The following SH3RF3 variants were observed in gnomAD, a reference collection of about 807,000 sequenced individuals.
The protein encoded by SH3RF3 is SH3 domain containing ring finger 3.
SH3RF3 carries 29 observed loss-of-function variants against 66.3 expected under a neutral mutation model. That is an observed-to-expected ratio of 0.44 (90% confidence interval 0.33 to 0.60). SH3RF3 has a LOEUF of 0.60. Ranked by LOEUF, SH3RF3 falls within the 20% of genes least tolerant of loss-of-function variation. The probability of loss-of-function intolerance (pLI) is 0.04; values close to 1 mark genes in which losing one functional copy is unlikely to be tolerated. For synonymous variants in SH3RF3, 583 were observed against 532.0 expected, an observed-to-expected ratio of 1.10 and a Z score of -1.32; for missense variants, 1,194 against 1,190.9, an observed-to-expected ratio of 1.00 and a Z score of -0.04.
In SH3RF3 at chr2:109,501,695, C is replaced by A; in HGVS notation, c.*24C>A. 1 of 740,204 alleles carries A rather than the reference C, an allele frequency of 1.4e-6. No homozygotes were observed. Among genetic ancestry groups the A allele is most frequent in the Non-Finnish European group, 2.5e-6 (1 of 397,936 alleles). 45.9% of individuals were successfully genotyped at this position (740,204 alleles called of 1,614,324 possible). A position where few individuals can be genotyped will look rare whatever the true frequency, so the allele number is the denominator to read the frequency against. ...GAGAACTGGTGCTCCCTGCACCCAGCTCACAGAGGGGGAGGCCGCCTGGGA... is the reference window on the plus strand; with the variant it reads ...GAGAACTGGTGCTCCCTGCACCCAGATCACAGAGGGGGAGGCCGCCTGGGA... On this transcript the variant is annotated 3_prime_UTR_variant, in exon 10 of 10. Transcript: ENST00000309415.
At chr2:109,397,928 T>A (rs752809021) in intron 3 of SH3RF3, among the ~76,000 whole-genome samples, 9 of 152,174 alleles carry the variant, frequency 5.9e-5, no homozygotes, top group Admixed American at 2.6e-4. Context: ...ATGGGAGATG[T>A]GGGAAGGAGT....
intron 7 of SH3RF3, among the ~76,000 whole-genome samples, chr2:109,445,895 A>G (rs370524392): frequency 2.0e-5 from 3 of 152,220 alleles, no homozygotes; most frequent in East Asian, 3.9e-4. Flanking sequence ...GCACCTACAG[A>G]TACTAGGGAC....
chr2:109,496,775 G>A (rs1679272412), intron 9 of SH3RF3, among the ~76,000 whole-genome samples: 3 of 109,050 alleles, frequency 2.8e-5, no homozygotes. Context: ...TACCATACAT[G>A]GCAAAGAGAA....
intron 1 of SH3RF3, among the ~76,000 whole-genome samples, chr2:109,325,193 G>T (rs1409613530): frequency 6.6e-6 from 1 of 152,104 alleles, no homozygotes; most frequent in African/African-American, 2.4e-5. Flanking sequence ...GTGAAGATCA[G>T]TGTCTCACTT....
intron 1 of SH3RF3, among the ~76,000 whole-genome samples, chr2:109,257,720 C>T (rs1379686985): frequency 6.6e-6 from 1 of 152,136 alleles, no homozygotes; most frequent in Non-Finnish European, 1.5e-5. Context: ...ACAGTTAGAG[C>T]TCCCTGTCTC....
At chr2:109,361,440 T>C (rs763862268) in intron 2 of SH3RF3, among the ~76,000 whole-genome samples, 5 of 152,196 alleles carry the variant, frequency 3.3e-5, no homozygotes, top group South Asian at 4.1e-4. Flanking sequence ...TATCTGGTCC[T>C]GGTTCTTTCT....
intron 3 of SH3RF3, among the ~76,000 whole-genome samples, chr2:109,398,153 C>T (rs554909728): frequency 5.9e-5 from 9 of 152,290 alleles, no homozygotes; most frequent in African/African-American, 1.9e-4. Flanking sequence ...AAATCTCCTC[C>T]GGGGACCTGC....
chr2:109,158,626 G>A (rs1677410745), intron 1 of SH3RF3, among the ~76,000 whole-genome samples: 1 of 152,186 alleles, frequency 6.6e-6, no homozygotes, highest in Non-Finnish European at 1.5e-5. Context: ...AGGACTTTGA[G>A]GCTTGAGGGA....
chr2:109,265,594 A>T (rs931547901), intron 1 of SH3RF3, among the ~76,000 whole-genome samples: 1 of 152,064 alleles, frequency 6.6e-6, no homozygotes, highest in Non-Finnish European at 1.5e-5. Context: ...CTCCCAGATG[A>T]CTCAGAAAGC....
At chr2:109,289,625 T>C (rs1030689450) in intron 1 of SH3RF3, among the ~76,000 whole-genome samples, 1 of 152,212 alleles carries the variant, frequency 6.6e-6, no homozygotes, top group East Asian at 1.9e-4. Flanking sequence ...AGACATCACG[T>C]GGAAAGCTAT....
rs1339979839 is a variant in SH3RF3, at chr2:109,475,546, G to A, written c.2149-15059G>A. Among the ~76,000 whole-genome samples the A allele has an allele frequency of 2.6e-5, 4 of 152,346 alleles. No homozygotes were observed. In the East Asian group the frequency reaches 7.7e-4, roughly 29 times the overall value. Reference sequence around the variant, plus strand: ...ACAGTTGGCTGTGGGTGGGGACAGGGACATATGCCACAGAGGCTGACACCT... The same window carrying A: ...ACAGTTGGCTGTGGGTGGGGACAGGAACATATGCCACAGAGGCTGACACCT... On this transcript the variant is annotated intron_variant, in intron 8 of 9. Transcript: ENST00000309415.
At chr2:109,225,170 G>C (rs1206394510) in intron 1 of SH3RF3, among the ~76,000 whole-genome samples, 1 of 152,122 alleles carries the variant, frequency 6.6e-6, no homozygotes, top group Non-Finnish European at 1.5e-5. Flanking sequence ...AGGTTCTATG[G>C]CTTCTGCTAG....
At chr2:109,392,006 G>C (rs1180483630) in intron 3 of SH3RF3, among the ~76,000 whole-genome samples, 1 of 152,040 alleles carries the variant, frequency 6.6e-6, no homozygotes, top group Non-Finnish European at 1.5e-5. Flanking sequence ...TACAGAGACT[G>C]GGTCTCACTA....
At chr2:109,182,547 A>G (rs532724605) in intron 1 of SH3RF3, among the ~76,000 whole-genome samples, 14 of 152,370 alleles carry the variant, frequency 9.2e-5, no homozygotes, top group African/African-American at 3.4e-4. Flanking sequence ...TGCTTGGGAC[A>G]TAGAAAGCAC....
At chr2:109,285,230 C>T (rs1308806912) in intron 1 of SH3RF3, among the ~76,000 whole-genome samples, 3 of 152,182 alleles carry the variant, frequency 2.0e-5, no homozygotes, top group African/African-American at 7.2e-5. Flanking sequence ...GTTGCCCTGC[C>T]CTGTGCTTGC....
chr2:109,253,439 T>C (rs902781224), intron 1 of SH3RF3, among the ~76,000 whole-genome samples: 2 of 152,232 alleles, frequency 1.3e-5, no homozygotes, highest in African/African-American at 4.8e-5. Context: ...TGGGCGCTGC[T>C]TTCCGGGTGG....
intron 1 of SH3RF3, among the ~76,000 whole-genome samples, chr2:109,218,132 G>T (rs1679143692): frequency 6.8e-6 from 1 of 145,992 alleles, no homozygotes. Context: ...GAAAACCATT[G>T]TCCTCTCCTT....
intron 3 of SH3RF3, among the ~76,000 whole-genome samples, chr2:109,373,059 C>T (rs1683308562): frequency 1.3e-5 from 2 of 152,328 alleles, no homozygotes; most frequent in East Asian, 1.9e-4. Flanking sequence ...GGTTCTCGCA[C>T]ATTTAGTTTG....
intron 1 of SH3RF3, among the ~76,000 whole-genome samples, chr2:109,171,218 A>T (rs533915604): frequency 6.6e-6 from 1 of 152,350 alleles, no homozygotes; most frequent in East Asian, 1.9e-4. Context: ...CACCAAATAT[A>T]ACCATATTAT....
Sources: allele counts gnomAD v4.1 joint callset (sites outside exome capture counted in the v4.1 genomes callset), GRCh38; gene constraint gnomAD v4.1.1; transcripts MANE v1.5; gene names NCBI Gene and HGNC (gene_info 2026-07-23, HGNC 2026-07-21).